PRKG1: variants seen among roughly 807,000 people sequenced by gnomAD.
PRKG1 encodes the protein protein kinase cGMP-dependent 1.
PRKG1 carries 35 observed loss-of-function variants against 88.1 expected under a neutral mutation model. That is an observed-to-expected ratio of 0.40 (90% CI 0.30 to 0.53). The LOEUF (loss-of-function observed/expected upper bound fraction) is 0.53. PRKG1 is among the 20% of genes least tolerant of loss of function. The probability of loss-of-function intolerance (pLI) is 0.59; values close to 1 mark genes in which losing one functional copy is unlikely to be tolerated. For missense variants in PRKG1, 540 were observed against 839.8 expected (o/e 0.64, Z 4.41); for synonymous variants, 303 against 292.5 (o/e 1.04, Z -0.37).
chr10:51,039,034 A>G (rs558790749), intron 1 of PRKG1, among the ~76,000 whole-genome samples: 1 of 152,346 alleles, frequency 6.6e-6, no homozygotes, highest in Non-Finnish European at 1.5e-5. Flanking sequence ...TTACTAATGA[A>G]GTAAAACAAG....
rs115832746 is a variant in PRKG1, at chr10:51,309,446, T to A, written c.478+156116T>A. ...AAAGTGGACAAAGGACATGAATATG[T>A]ATTTTTCAAAAGAAGATATACAAAT... On this transcript the variant is annotated intron_variant, in intron 2 of 17. Transcript: ENST00000373980. Among the ~76,000 whole-genome samples the A allele has an allele frequency of 3.3e-3, 509 of 152,246 alleles. 2 individuals are homozygous for A. The highest frequency in any genetic ancestry group is 0.011 in the African/African-American group (468 of 41,542).
chr10:51,898,577 A>G (rs189327497), intron 4 of PRKG1, among the ~76,000 whole-genome samples: 221 of 152,260 alleles, frequency 1.5e-3, no homozygotes, highest in African/African-American at 5.1e-3. Context: ...GCTCATGCCT[A>G]TAACTCCAAC....
intron 3 of PRKG1, among the ~76,000 whole-genome samples, chr10:51,726,470 T>A (rs2132461478): frequency 6.6e-6 from 1 of 152,346 alleles, no homozygotes; most frequent in Non-Finnish European, 1.5e-5. Context: ...TTTCTTAAAC[T>A]CTCAGCTATT....
chr10:51,578,724 A>C (rs147713252), intron 3 of PRKG1, among the ~76,000 whole-genome samples: 1 of 152,262 alleles, frequency 6.6e-6, no homozygotes, highest in Non-Finnish European at 1.5e-5. Flanking sequence ...TAATGCCAAC[A>C]TTTTCAATAG....
intron 1 of PRKG1, among the ~76,000 whole-genome samples, chr10:51,083,617 G>A (rs999110109): frequency 2.0e-5 from 3 of 151,732 alleles, no homozygotes; most frequent in African/African-American, 7.3e-5. Flanking sequence ...AGCAGAACTA[G>A]CACATCAACC....
chr10:51,320,118 G>A (rs1841417815), intron 2 of PRKG1: 1 of 165,444 alleles, frequency 6.0e-6, no homozygotes, highest in African/African-American at 2.4e-5. Flanking sequence ...GGCATGAATG[G>A]GCTAAATACT....
At chr10:52,180,926 G>T (rs994390162) in intron 9 of PRKG1, among the ~76,000 whole-genome samples, 2 of 152,144 alleles carry the variant, frequency 1.3e-5, no homozygotes, top group Admixed American at 1.3e-4. Context: ...GTACATGGCT[G>T]CCTGGCTTCT....
chr10:51,856,681 C>G lies in PRKG1; in HGVS notation c.699-50826C>G, dbSNP rs922582571. ...GTTTGCCACAAAGAAAAGGCTTAGA[C>G]ATGGCCAGGCATGGTGGCTTACGCC... On this transcript the variant is annotated intron_variant, in intron 4 of 17. Coordinates refer to ENST00000373980, the MANE Select transcript of PRKG1 (RefSeq NM_006258.4). Among the ~76,000 whole-genome samples the G allele has an allele frequency of 3.9e-5, 6 of 152,124 alleles. No individual in the cohort carries two copies. The South Asian group carries it at 1.2e-3, about 31-fold the overall frequency.
chr10:51,321,077 A>AT (rs397794256), intron 2 of PRKG1, among the ~76,000 whole-genome samples: 183 of 151,530 alleles, frequency 1.2e-3, no homozygotes, highest in Non-Finnish European at 2.3e-3. Context: ...TTAAAAAAAA[A>AT]TTTTGTTTAA....
intron 2 of PRKG1, among the ~76,000 whole-genome samples, chr10:51,429,883 C>A (rs1047414952): frequency 1.3e-4 from 19 of 151,436 alleles, no homozygotes; most frequent in African/African-American, 4.6e-4. Context: ...AGTATACCAT[C>A]GAGCATACCA....
intron 3 of PRKG1, among the ~76,000 whole-genome samples, chr10:51,561,844 C>A (rs1436128916): frequency 6.6e-6 from 1 of 152,014 alleles, no homozygotes; most frequent in Non-Finnish European, 1.5e-5. Flanking sequence ...AGTGATTGGT[C>A]TAAACTGGCA....
chr10:51,460,723 G>A (rs1839722852), intron 2 of PRKG1, among the ~76,000 whole-genome samples: 1 of 152,126 alleles, frequency 6.6e-6, no homozygotes, highest in African/African-American at 2.4e-5. Context: ...TCAGAATCCT[G>A]TTCATTGTCA....
intron 1 of PRKG1, among the ~76,000 whole-genome samples, chr10:51,067,572 C>T (rs2132792181): frequency 6.6e-6 from 1 of 151,986 alleles, no homozygotes; most frequent in South Asian, 2.1e-4. Context: ...AAGTTGTAGT[C>T]AACATAGATG....
chr10:50,998,570 A>G (rs1842857564), intron 1 of PRKG1, among the ~76,000 whole-genome samples: 1 of 152,188 alleles, frequency 6.6e-6, no homozygotes, highest in Admixed American at 6.5e-5. Context: ...CAAAATGGTG[A>G]AACACCGTCT....
At chr10:52,145,338 A>G (rs1455767324) in intron 8 of PRKG1, among the ~76,000 whole-genome samples, 1 of 152,202 alleles carries the variant, frequency 6.6e-6, no homozygotes, top group Non-Finnish European at 1.5e-5. Flanking sequence ...TTATTTAGAA[A>G]TTCACAATGT....
At chr10:51,164,498 C>A (rs1476917811) in intron 2 of PRKG1, among the ~76,000 whole-genome samples, 2 of 152,216 alleles carry the variant, frequency 1.3e-5, no homozygotes, top group Non-Finnish European at 2.9e-5. Context: ...CGCCTCTCCT[C>A]CTCCAAAGGA....
chr10:51,697,390 G>A (rs1336436352), intron 3 of PRKG1: 4 of 281,670 alleles, frequency 1.4e-5, no homozygotes, highest in South Asian at 8.4e-5. Flanking sequence ...TTTAAAAAAT[G>A]TAGTTAACAT....
chr10:51,627,970 CTCTTTCTT>C (rs1554826900), intron 3 of PRKG1, among the ~76,000 whole-genome samples: 2 of 86,306 alleles, frequency 2.3e-5, no homozygotes, highest in Admixed American at 1.3e-4. Flanking sequence ...TTCTTTCTTT[CTCTTTCTT>C]TCTTTCTTTC....
intron 3 of PRKG1, chr10:51,698,121 C>T: frequency 6.2e-7 from 1 of 1,614,094 alleles, no homozygotes; most frequent in East Asian, 2.2e-5. Flanking sequence ...GGACCAGGAC[C>T]CTGAATTCCA....
Sources: allele counts gnomAD v4.1 joint callset (sites outside exome capture counted in the v4.1 genomes callset), GRCh38; gene constraint gnomAD v4.1.1; transcripts MANE v1.5; gene names NCBI Gene and HGNC (gene_info 2026-07-23, HGNC 2026-07-21).